The following AP3D1 variants were observed in gnomAD, a reference collection of about 807,000 sequenced individuals.
AP3D1 encodes adaptor related protein complex 3 subunit delta 1.
AP3D1 carries 51 observed loss-of-function variants against 147.6 expected under a neutral mutation model. The ratio of observed to expected loss-of-function variants is 0.35; its 90% confidence interval spans 0.28 to 0.44. The LOEUF (loss-of-function observed/expected upper bound fraction) is 0.44. AP3D1 is among the 20% of genes least tolerant of loss of function. AP3D1 has a pLI of 1.00. For synonymous variants in AP3D1, 760 were observed against 663.0 expected, an observed-to-expected ratio of 1.15 and a Z score of -2.25; for missense variants, 1,421 against 1,624.2, an observed-to-expected ratio of 0.87 and a Z score of 2.15.
chr19:2,112,276 G>A (rs932389715), intron 24 of AP3D1: 6 of 188,474 alleles, frequency 3.2e-5, no homozygotes, highest in East Asian at 1.4e-4. Context: ...GCCCATCCGC[G>A]GAGGAACGGG....
At chr19:2,117,899 C>T (rs1247763222) in intron 15 of AP3D1, among the ~76,000 whole-genome samples, 1 of 152,240 alleles carries the variant, frequency 6.6e-6, no homozygotes, top group Non-Finnish European at 1.5e-5. Context: ...ATGGTTCACA[C>T]CCGTAATCCT....
chr19:2,140,222 G>A (rs2144524345), intron 1 of AP3D1, among the ~76,000 whole-genome samples: 1 of 152,262 alleles, frequency 6.6e-6, no homozygotes, highest in East Asian at 1.9e-4. Context: ...CGAGGGCAAA[G>A]GGGATGTCAA....
chr19:2,138,503 A>C, intron 2 of AP3D1, 116 bp downstream of exon 2: 1 of 825,138 alleles, frequency 1.2e-6, no homozygotes, highest in Non-Finnish European at 2.0e-6. Flanking sequence ...TGGCTCACCG[A>C]CAGCAGGTGG....
intron 31 of AP3D1, among the ~76,000 whole-genome samples, chr19:2,107,512 G>T (rs1201299071): frequency 6.7e-6 from 1 of 149,994 alleles, no homozygotes; most frequent in Non-Finnish European, 1.5e-5. Context: ...AGGCCGAGGC[G>T]GGCAGATCAT....
rs1311203256 is a variant in AP3D1, at chr19:2,112,925, A to G, written c.2722T>C (p.Cys908Arg). 2 of 1,612,808 alleles carry G rather than the reference A, an allele frequency of 1.2e-6. No individual in the cohort carries two copies. Among genetic ancestry groups the G allele is most frequent in the South Asian group, 2.2e-5 (2 of 91,022 alleles). Residue 908 changes from cysteine (C) to arginine (R), a missense_variant, in exon 24 of 32, where the codon TGT (cysteine) becomes CGT (arginine). Transcript: ENST00000643116. ...VNTVTTPKDE[C>R]EDAKTEAQGE... ...TGCGCCTCCGTCTTGGCGTCCTCAC[A>G]CTCGTCCTTCGGGGTAGTGACAGTG...
At chr19:2,123,532 C>T (rs2018667198) in intron 10 of AP3D1, 126 bp from the exon 11 acceptor site, 1 of 989,616 alleles carries the variant, frequency 1.0e-6, no homozygotes, top group Non-Finnish European at 1.5e-6. Flanking sequence ...CCAATCAAAG[C>T]CCAGGAGGGA....
intron 6 of AP3D1, 129 bp from the exon 7 acceptor site, chr19:2,129,586 C>T: frequency 8.6e-7 from 1 of 1,158,884 alleles, no homozygotes; most frequent in African/African-American, 1.5e-5. Context: ...CTGGCTCTGC[C>T]ACCTCCTCCT....
intron 6 of AP3D1, 28 bp from the exon 7 acceptor site, chr19:2,129,485 T>C: frequency 1.2e-6 from 2 of 1,601,876 alleles, no homozygotes. Flanking sequence ...CTCATCAGCA[T>C]GCCTGTCCTT....
intron 11 of AP3D1, 123 bp from the exon 12 acceptor site, chr19:2,122,002 G>A (rs992576833): frequency 8.0e-5 from 90 of 1,128,750 alleles, no homozygotes; most frequent in Non-Finnish European, 1.1e-4. Context: ...GCAACCTGGG[G>A]GTGGACAGAG....
At chr19:2,155,096 G>T (rs535670604), upstream of AP3D1, among the ~76,000 whole-genome samples, 1 of 152,200 alleles carries the variant, frequency 6.6e-6, no homozygotes, top group South Asian at 2.1e-4. Flanking sequence ...CAGGAGAATT[G>T]CTTGAACCCA....
chr19:2,113,557 C>T, intron 22 of AP3D1, 144 bp from the exon 23 acceptor site: 1 of 498,130 alleles, frequency 2.0e-6, no homozygotes, highest in Non-Finnish European at 3.5e-6. Flanking sequence ...GCCTGGGAAT[C>T]CAGGAGCTGA....
intron 1 of AP3D1, among the ~76,000 whole-genome samples, chr19:2,144,686 TGA>T (rs1250227994): frequency 6.6e-6 from 1 of 152,126 alleles, no homozygotes; most frequent in African/African-American, 2.4e-5. Flanking sequence ...GCAGATCACT[TGA>T]GGTCAGGGGT....
chr19:2,128,010 G>A (rs1312446656), intron 8 of AP3D1, among the ~76,000 whole-genome samples: 1 of 152,230 alleles, frequency 6.6e-6, no homozygotes, highest in African/African-American at 2.4e-5. Flanking sequence ...TGCTCACATG[G>A]TGAAATGTAC....
At chr19:2,164,357 G>A (rs946125670) in exon 1 of AP3D1, 13 of 860,456 alleles carry the variant, frequency 1.5e-5, no homozygotes, top group South Asian at 5.6e-5. Context: ...CGCGCTCACC[G>A]GTCCCCCCTG....
At chr19:2,138,849 C>G (rs12980238) in intron 1 of AP3D1, 135 bp from the exon 2 acceptor site, 2 of 606,812 alleles carry the variant, frequency 3.3e-6, no homozygotes, top group Non-Finnish European at 6.1e-6. Flanking sequence ...ATCACGAGGT[C>G]GGGAGTTTGA....
At chr19:2,144,110 A>G (rs1330208464) in intron 1 of AP3D1, among the ~76,000 whole-genome samples, 1 of 152,016 alleles carries the variant, frequency 6.6e-6, no homozygotes. Context: ...AAGAATTCCA[A>G]GTCCCAACAG....
intron 26 of AP3D1, 77 bp downstream of exon 26, chr19:2,111,207 GC>G: frequency 6.4e-7 from 1 of 1,552,000 alleles, no homozygotes; most frequent in Non-Finnish European, 8.9e-7. Context: ...AGCTGTGGGG[GC>G]TGCCCGGGTT....
chr19:2,113,264 G>T, intron 23 of AP3D1, 72 bp downstream of exon 23: 1 of 838,114 alleles, frequency 1.2e-6, no homozygotes, highest in Non-Finnish European at 1.9e-6. Flanking sequence ...GAGACCCAGG[G>T]CTCTTCCCTG....
At chr19:2,148,653 A>T (rs2019425885) in intron 1 of AP3D1, among the ~76,000 whole-genome samples, 1 of 152,190 alleles carries the variant, frequency 6.6e-6, no homozygotes, top group Non-Finnish European at 1.5e-5. Context: ...ATCCCCATTT[A>T]CAAGGGAGGA....
Sources: allele counts gnomAD v4.1 joint callset (sites outside exome capture counted in the v4.1 genomes callset), GRCh38; gene constraint gnomAD v4.1.1; transcripts MANE v1.5; gene names NCBI Gene and HGNC (gene_info 2026-07-23, HGNC 2026-07-21).